Variants in TRIM36 observed in about 807,000 individuals in gnomAD.
TRIM36 encodes the protein tripartite motif containing 36.
In TRIM36, 42 loss-of-function variants were observed where a neutral mutation model predicts 72.4. The ratio of observed to expected loss-of-function variants is 0.58; its 90% CI spans 0.45 to 0.75. The LOEUF is 0.75. Among genes scored for constraint, TRIM36 ranks in the 30% least tolerant of loss-of-function variants. The pLI, the probability that TRIM36 is intolerant of heterozygous loss-of-function variation, is 0.00. For missense variants in TRIM36, 913 were observed against 857.1 expected, an observed-to-expected ratio of 1.07 and a Z score of -0.81; for synonymous variants, 315 against 282.8, an observed-to-expected ratio of 1.11 and a Z score of -1.14.
At chr5:115,140,131 A>G (rs534132469) in intron 5 of TRIM36, among the ~76,000 whole-genome samples, 1 of 152,244 alleles carries the variant, frequency 6.6e-6, no homozygotes, top group South Asian at 2.1e-4. Flanking sequence ...CAGGAAAATA[A>G]TATTAAAAAC....
intron 8 of TRIM36, among the ~76,000 whole-genome samples, chr5:115,132,271 C>T (rs550641084): frequency 1.3e-5 from 2 of 151,436 alleles, no homozygotes; most frequent in East Asian, 1.9e-4. Context: ...TGGTGGCTCA[C>T]GTCTATAATT....
At chr5:115,162,799 A>G (rs1754554021) in intron 2 of TRIM36, among the ~76,000 whole-genome samples, 1 of 152,098 alleles carries the variant, frequency 6.6e-6, no homozygotes, top group Non-Finnish European at 1.5e-5. Flanking sequence ...GGAAACATAA[A>G]GGTGATGACT....
chr5:115,131,946 A>G (rs1055203976), intron 8 of TRIM36, among the ~76,000 whole-genome samples: 1 of 152,200 alleles, frequency 6.6e-6, no homozygotes, highest in African/African-American at 2.4e-5. Flanking sequence ...TAAGGAGGTA[A>G]AAGTGGTGAT....
chr5:115,166,206 G>A (rs1485318403), intron 1 of TRIM36, among the ~76,000 whole-genome samples: 1 of 152,120 alleles, frequency 6.6e-6, no homozygotes, highest in Non-Finnish European at 1.5e-5. Flanking sequence ...CAGTTCCACT[G>A]ACTGGAGTGA....
Position 115,169,592 on chromosome 5 carries a change from T to C in TRIM36, c.27+16A>G. ...ACCGCCCTCGAGGTGGGGGCGGCGGTCCCCTCCGCACTCACCGGCGAATCT... is the reference window on the plus strand; with the variant it reads ...ACCGCCCTCGAGGTGGGGGCGGCGGCCCCCTCCGCACTCACCGGCGAATCT... On this transcript the variant is annotated intron_variant, in intron 1 of 9. Transcript: ENST00000513154. 6.6e-7 allele frequency: 1 copy of C among 1,506,984 alleles called. No homozygotes were observed. 93.4% of individuals were successfully genotyped at this position (1,506,984 alleles called of 1,614,324 possible). A position where few individuals can be genotyped will look rare whatever the true frequency, so the allele number is the denominator to read the frequency against.
chr5:115,137,475 C>T lies in TRIM36; in HGVS notation c.973G>A (p.Glu325Lys), dbSNP rs1453773536. 1.2e-6 allele frequency: 2 copies of T among 1,614,174 alleles called. No homozygotes were observed. The highest frequency in any genetic ancestry group is 2.2e-5 in the East Asian group (1 of 44,864). The change falls in exon 6 of 10, where the codon GAA (glutamate) becomes AAA (lysine). Residue 325 changes from glutamate (E) to lysine (K), a missense_variant. Coordinates refer to ENST00000513154, the MANE Select transcript of TRIM36 (RefSeq NM_001300759.2). Reference protein sequence around the residue: ...LRLDKFQTQMEEYQGLLENNG... With the variant: ...LRLDKFQTQMKEYQGLLENNG... The stretch of plus-strand genomic sequence containing the variant: ...TTCTCTAGAAGTCCCTGGTACTCTT[C>T]CATTTGAGTCTGAAATTTGTCTAAT...
In TRIM36 at chr5:115,130,754, T is replaced by A; in HGVS notation, c.1634A>T (p.Tyr545Phe). ...LAAERIQVGY[Y>F]TSLDYIIGDT... ...TCCAATGATGTAGTCTAAGCTTGTGTAATAACCCACTTGGATGCGTTCTGC... is the reference window on the plus strand; with the variant it reads ...TCCAATGATGTAGTCTAAGCTTGTGAAATAACCCACTTGGATGCGTTCTGC... Residue 545 changes from tyrosine to phenylalanine, a missense_variant, in exon 9 of 10, where the codon TAC (tyrosine) becomes TTC (phenylalanine). Transcript: ENST00000513154. 1 of 1,614,206 alleles carries A rather than the reference T, an allele frequency of 6.2e-7. No homozygotes were observed. Among genetic ancestry groups the A allele is most frequent in the Non-Finnish European group, 8.5e-7 (1 of 1,180,034 alleles).
At chr5:115,137,214 A>G in intron 6 of TRIM36, 90 bp from the exon 7 acceptor site, 1 of 1,477,072 alleles carries the variant, frequency 6.8e-7, no homozygotes, top group Non-Finnish European at 9.0e-7. Flanking sequence ...TAAAACCCAC[A>G]CTTCACTCAA....
rs951917744 is a variant in TRIM36 at position 115,169,471 on chromosome 5, A to C, written c.27+137T>G. On this transcript the variant is annotated intron_variant, in intron 1 of 9. Transcript: ENST00000513154. Reference sequence around the variant, plus strand: ...TAGCCCCGGGCGGGAGAAGGCGAAGAGGAAGCGGGATCCCCACACGCCTGC... The same window carrying C: ...TAGCCCCGGGCGGGAGAAGGCGAAGCGGAAGCGGGATCCCCACACGCCTGC... 8.5e-6 allele frequency: 8 copies of C among 942,200 alleles called. No homozygotes were observed. In the African/African-American group the frequency reaches 1.4e-4, roughly 16 times the overall value. 58.4% of individuals were successfully genotyped at this position (942,200 alleles called of 1,614,324 possible). A position where few individuals can be genotyped will look rare whatever the true frequency, so the allele number is the denominator to read the frequency against.
chr5:115,138,974 C>A (rs986237563), intron 5 of TRIM36, among the ~76,000 whole-genome samples: 2 of 151,912 alleles, frequency 1.3e-5, no homozygotes, highest in Non-Finnish European at 2.9e-5. Context: ...CGCCACCACA[C>A]CCTACTAAAT....
At chr5:115,133,826 T>C in intron 8 of TRIM36, 34 bp downstream of exon 8, 1 of 1,540,068 alleles carries the variant, frequency 6.5e-7, no homozygotes, top group Non-Finnish European at 8.7e-7. Flanking sequence ...TGCAACTAAC[T>C]CTATGCTTTT....
chr5:115,142,326 A>C (rs1753321737), intron 4 of TRIM36, among the ~76,000 whole-genome samples: 1 of 152,176 alleles, frequency 6.6e-6, no homozygotes, highest in South Asian at 2.1e-4. Context: ...TACCATCCCT[A>C]ACAGGCCTAT....
intron 1 of TRIM36, chr5:115,177,966 C>A: frequency 7.8e-7 from 1 of 1,282,934 alleles, no homozygotes; most frequent in Non-Finnish European, 1.1e-6. Flanking sequence ...AGTGAGCATA[C>A]TGTGATGAAC....
intron 7 of TRIM36, among the ~76,000 whole-genome samples, chr5:115,136,725 TTA>T (rs1752983466): frequency 6.6e-6 from 1 of 152,244 alleles, no homozygotes; most frequent in South Asian, 2.1e-4. Flanking sequence ...TTACAAGTAT[TTA>T]TGTTAATTTT....
Position 115,130,945 on chromosome 5 carries a change from T to C in TRIM36, c.1499-56A>G. ...AAAAATTATCATTGCTCTAGTTTGT[T>C]AAATCTGATAGGTTTTCTTACAGAA... On this transcript the variant is annotated intron_variant, in intron 8 of 9. Transcript: ENST00000513154. 8 of 1,523,348 alleles carry C rather than the reference T, an allele frequency of 5.3e-6. No homozygotes were observed. In the South Asian group the frequency reaches 1.0e-4, roughly 19 times the overall value. 94.4% of individuals were successfully genotyped at this position (1,523,348 alleles called of 1,614,324 possible). A position where few individuals can be genotyped will look rare whatever the true frequency, so the allele number is the denominator to read the frequency against.
At chr5:115,141,222 T>C (rs1753259967) in intron 5 of TRIM36, 57 bp downstream of exon 5, 1 of 1,242,132 alleles carries the variant, frequency 8.1e-7, no homozygotes, top group Non-Finnish European at 1.1e-6. Flanking sequence ...AACAAATGAA[T>C]GAATGTCTAG....
upstream of TRIM36, among the ~76,000 whole-genome samples, chr5:115,173,202 G>A (rs1290156511): frequency 6.6e-6 from 1 of 152,116 alleles, no homozygotes; most frequent in East Asian, 1.9e-4. Context: ...AAATCCTGGT[G>A]GGTTTTGTTT....
At chr5:115,135,799 C>T (rs957133103) in intron 7 of TRIM36, among the ~76,000 whole-genome samples, 7 of 151,990 alleles carry the variant, frequency 4.6e-5, no homozygotes, top group African/African-American at 1.7e-4. Context: ...AAAAATAAGA[C>T]GGTCATAGTA....
chr5:115,177,342 A>G (rs147174576), intron 1 of TRIM36: 3 of 193,330 alleles, frequency 1.6e-5, no homozygotes, highest in African/African-American at 2.3e-5. Flanking sequence ...GAAAAGTGAG[A>G]GAAATTAAGA....
Sources: gnomAD v4.1 joint callset for allele counts (sites outside exome capture counted in the v4.1 genomes callset) on GRCh38, gnomAD v4.1.1 for gene constraint, MANE v1.5 for transcripts, NCBI Gene and HGNC (gene_info 2026-07-23, HGNC 2026-07-21) for gene names.